RBFOX1: variants seen among roughly 807,000 people sequenced by gnomAD.
RBFOX1 encodes the protein RNA binding fox-1 homolog 1, also known as RNA binding protein fox-1 homolog 1.
RBFOX1 carries 8 observed loss-of-function variants against 57.7 expected under a neutral mutation model. That is an observed-to-expected ratio of 0.14 (90% CI 0.08 to 0.25). RBFOX1 has a LOEUF of 0.25. RBFOX1 is among the 10% of genes least tolerant of loss of function. The probability of loss-of-function intolerance (pLI) is 1.00; values close to 1 mark genes in which losing one functional copy is unlikely to be tolerated. For missense variants in RBFOX1, 611 were observed against 548.5 expected, an observed-to-expected ratio of 1.11 and a Z score of -1.14; for synonymous variants, 326 against 222.4, an observed-to-expected ratio of 1.47 and a Z score of -4.15.
At chr16:7,147,973 A>C (rs983771266) in intron 4 of RBFOX1, among the ~76,000 whole-genome samples, 1 of 152,218 alleles carries the variant, frequency 6.6e-6, no homozygotes, top group South Asian at 2.1e-4. Context: ...ATGCCTAGTT[A>C]GAACCTTGCA....
intron 4 of RBFOX1, among the ~76,000 whole-genome samples, chr16:7,091,420 G>A (rs998054119): frequency 7.3e-5 from 11 of 151,480 alleles, no homozygotes; most frequent in African/African-American, 2.4e-4. Context: ...TAAAATGGGA[G>A]AAGAGCAACA....
At chr16:6,466,229 CAAA>C (rs201275514) in intron 2 of RBFOX1, among the ~76,000 whole-genome samples, 2 of 127,848 alleles carry the variant, frequency 1.6e-5, no homozygotes. Flanking sequence ...AACTCTATCT[CAAA>C]AAAAAAAAAA....
At chr16:7,260,560 A>C (rs2094878928) in intron 4 of RBFOX1, among the ~76,000 whole-genome samples, 1 of 152,142 alleles carries the variant, frequency 6.6e-6, no homozygotes, top group Non-Finnish European at 1.5e-5. Flanking sequence ...TCAGGGAATA[A>C]CTCATCGCAT....
At chr16:7,283,777 A>C (rs1440312537) in intron 4 of RBFOX1, among the ~76,000 whole-genome samples, 1 of 152,186 alleles carries the variant, frequency 6.6e-6, no homozygotes, top group Non-Finnish European at 1.5e-5. Context: ...CATTGCATCA[A>C]AGTCAGGTTT....
At chr16:5,284,957 G>A (rs968880419) in intron 1 of RBFOX1, among the ~76,000 whole-genome samples, 1 of 151,578 alleles carries the variant, frequency 6.6e-6, no homozygotes, top group African/African-American at 2.4e-5. Context: ...TTTTTGGGTT[G>A]TATTTATTTG....
At chr16:6,934,872 G>A (rs1446948299) in intron 3 of RBFOX1, among the ~76,000 whole-genome samples, 1 of 152,094 alleles carries the variant, frequency 6.6e-6, no homozygotes, top group African/African-American at 2.4e-5. Context: ...GATGACTTGA[G>A]CTCAGGAGTT....
intron 4 of RBFOX1, among the ~76,000 whole-genome samples, chr16:7,406,804 G>T (rs959790207): frequency 1.3e-5 from 2 of 152,180 alleles, no homozygotes; most frequent in Admixed American, 6.5e-5. Flanking sequence ...CTAAACTTGA[G>T]GCTTCTGCAG....
chr16:7,622,284 A>AAAAT (rs1350781470), intron 10 of RBFOX1, among the ~76,000 whole-genome samples: 1 of 152,236 alleles, frequency 6.6e-6, no homozygotes, highest in Non-Finnish European at 1.5e-5. Flanking sequence ...AATGGGTATA[A>AAAAT]AAATAGTGTC....
At chr16:6,513,969 G>A (rs1453957891) in intron 2 of RBFOX1, among the ~76,000 whole-genome samples, 1 of 152,128 alleles carries the variant, frequency 6.6e-6, no homozygotes, top group East Asian at 1.9e-4. Context: ...TAAAGATGGA[G>A]GAGGCTCAAC....
intron 3 of RBFOX1, among the ~76,000 whole-genome samples, chr16:7,026,766 T>C (rs1029194048): frequency 6.6e-6 from 1 of 152,220 alleles, no homozygotes; most frequent in Non-Finnish European, 1.5e-5. Flanking sequence ...AACTTTGTGC[T>C]GCCAGAGGGC....
intron 10 of RBFOX1, among the ~76,000 whole-genome samples, chr16:7,630,153 T>G (rs2060711952): frequency 6.6e-6 from 1 of 152,094 alleles, no homozygotes; most frequent in South Asian, 2.1e-4. Flanking sequence ...GCACAGCCAT[T>G]CTCGGAGGTA....
At chr16:5,601,097 A>G (rs1362692383), downstream of RBFOX1, 4 of 152,184 alleles carry the variant, frequency 2.6e-5, no homozygotes, top group African/African-American at 7.2e-5. Context: ...AAAGTATTGT[A>G]TTGGCTGTCT....
chr16:6,557,267 C>T (rs141989951), intron 2 of RBFOX1, among the ~76,000 whole-genome samples: 3 of 151,384 alleles, frequency 2.0e-5, no homozygotes, highest in South Asian at 2.1e-4. Flanking sequence ...TGATGCATGA[C>T]ACCCATGAAT....
At chr16:6,845,296 T>C (rs543690768) in intron 3 of RBFOX1, among the ~76,000 whole-genome samples, 1 of 152,178 alleles carries the variant, frequency 6.6e-6, no homozygotes, top group African/African-American at 2.4e-5. Flanking sequence ...TTTTTTCTAG[T>C]GTTTTTAGAG....
At chr16:5,984,741 A>G (rs1431827731) in intron 4 of RBFOX1, among the ~76,000 whole-genome samples, 2 of 151,996 alleles carry the variant, frequency 1.3e-5, no homozygotes, top group Non-Finnish European at 2.9e-5. Flanking sequence ...ACGCAAACCT[A>G]GATGGTATAG....
chr16:6,436,531 T>G (rs1023957277), intron 2 of RBFOX1, among the ~76,000 whole-genome samples: 3 of 140,632 alleles, frequency 2.1e-5, no homozygotes, highest in Non-Finnish European at 4.5e-5. Flanking sequence ...TTTTTTTTTT[T>G]GCCTTAAAAA....
chr16:6,783,456 A>T (rs1207497635), intron 3 of RBFOX1, among the ~76,000 whole-genome samples: 1 of 150,290 alleles, frequency 6.7e-6, no homozygotes, highest in Admixed American at 6.7e-5. Flanking sequence ...AAAAAAAAAA[A>T]TCTTATAACC....
At chr16:5,725,702 A>T (rs1189274831) in intron 3 of RBFOX1, among the ~76,000 whole-genome samples, 1 of 151,944 alleles carries the variant, frequency 6.6e-6, no homozygotes, top group African/African-American at 2.4e-5. Flanking sequence ...CACACCTGGC[A>T]TGGGGGAAAT....
At chr16:6,408,887 C>T (rs1243439612) in intron 2 of RBFOX1, among the ~76,000 whole-genome samples, 2 of 152,146 alleles carry the variant, frequency 1.3e-5, no homozygotes, top group Admixed American at 6.5e-5. Context: ...TTGTAGCTAG[C>T]TCTTCATGTA....
Sources: allele counts gnomAD v4.1 joint callset (sites outside exome capture counted in the v4.1 genomes callset), GRCh38; gene constraint gnomAD v4.1.1; transcripts MANE v1.5; gene names NCBI Gene and HGNC (gene_info 2026-07-23, HGNC 2026-07-21).